SLC39A12: variants seen among roughly 807,000 people sequenced by gnomAD.
SLC39A12 encodes solute carrier family 39 member 12, also known as zinc transporter ZIP12.
SLC39A12 carries 63 observed loss-of-function variants against 71.1 expected under a neutral mutation model. That is an observed-to-expected ratio of 0.89 (90% CI 0.72 to 1.09). SLC39A12 has a LOEUF of 1.09. Among genes scored for constraint, SLC39A12 ranks in the 50% least tolerant of loss-of-function variants. The pLI is 0.00. For synonymous variants in SLC39A12, 351 were observed against 301.3 expected, an observed-to-expected ratio of 1.16 and a Z score of -1.71; for missense variants, 892 against 812.6, an observed-to-expected ratio of 1.10 and a Z score of -1.19.
chr10:18,028,139 C>A (rs1836729982), intron 12 of SLC39A12, among the ~76,000 whole-genome samples: 1 of 152,180 alleles, frequency 6.6e-6, no homozygotes, highest in African/African-American at 2.4e-5. Flanking sequence ...AGAAGCAAAT[C>A]ACTTCTAAGC....
intron 12 of SLC39A12, among the ~76,000 whole-genome samples, chr10:18,042,463 G>GAAAAAAAAAAAAAAAAAAAA (rs551298382): frequency 8.7e-6 from 1 of 115,058 alleles, no homozygotes; most frequent in Non-Finnish European, 1.7e-5. Context: ...TGCCTCAAAA[G>GAAAAAAAAAAAAAAAAAAAA]AAAAAAAAAA....
At chr10:17,960,744 T>C (rs574253244) in intron 2 of SLC39A12, among the ~76,000 whole-genome samples, 6 of 152,330 alleles carry the variant, frequency 3.9e-5, no homozygotes, top group African/African-American at 9.6e-5. Flanking sequence ...CTTGTAACTG[T>C]TGGGCACTTG....
intron 12 of SLC39A12, among the ~76,000 whole-genome samples, chr10:18,023,140 C>G (rs567247311): frequency 1.3e-5 from 2 of 152,242 alleles, no homozygotes; most frequent in Admixed American, 1.3e-4. Context: ...GCTTTTTGTT[C>G]CTTCCCCAGC....
At chr10:18,016,436 A>G (rs972419496) in intron 12 of SLC39A12, among the ~76,000 whole-genome samples, 1 of 152,144 alleles carries the variant, frequency 6.6e-6, no homozygotes, top group Non-Finnish European at 1.5e-5. Flanking sequence ...TTATCCATTT[A>G]CCTACTGCAG....
At chr10:18,024,933 T>C (rs1024132047) in intron 12 of SLC39A12, among the ~76,000 whole-genome samples, 1 of 152,214 alleles carries the variant, frequency 6.6e-6, no homozygotes, top group Admixed American at 6.5e-5. Flanking sequence ...CGACCACTTA[T>C]ATACCTTTCT....
chr10:18,018,439 G>A (rs184673249), intron 12 of SLC39A12, among the ~76,000 whole-genome samples: 81 of 152,188 alleles, frequency 5.3e-4, no homozygotes, highest in Non-Finnish European at 2.9e-4. Context: ...TGGTGAGAGG[G>A]CTCATCCTTG....
chr10:17,968,031 A>G (rs900532446), intron 4 of SLC39A12, among the ~76,000 whole-genome samples: 20 of 151,052 alleles, frequency 1.3e-4, no homozygotes, highest in Admixed American at 7.9e-4. Context: ...TCTTTCATCT[A>G]TCTTCTAGCT....
At chr10:17,979,134 A>G (rs1835190931) in intron 5 of SLC39A12, among the ~76,000 whole-genome samples, 1 of 152,244 alleles carries the variant, frequency 6.6e-6, no homozygotes, top group African/African-American at 2.4e-5. Context: ...ATAGGAAGGA[A>G]TAAAGATGTT....
At chr10:18,029,673 A>G (rs995590635) in intron 12 of SLC39A12, among the ~76,000 whole-genome samples, 22 of 152,186 alleles carry the variant, frequency 1.4e-4, no homozygotes, top group African/African-American at 4.6e-4. Context: ...CTCTTAGAGT[A>G]TAAATCAAGA....
At position 17,970,674 on chromosome 10, in the gene SLC39A12, T is replaced by TTGTG. The variant is rs61528284; in HGVS notation, c.751+5024_751+5027dup. Among the ~76,000 whole-genome samples the TTGTG allele has an allele frequency of 6.4e-3, 930 of 145,508 alleles. 9 individuals carry two copies. The highest frequency in any genetic ancestry group is 0.02 in the East Asian group (94 of 4,812). On this transcript the variant is annotated intron_variant, in intron 4 of 12. Coordinates refer to ENST00000377369, the MANE Select transcript of SLC39A12 (RefSeq NM_001145195.2). The stretch of plus-strand genomic sequence containing the variant: ...GGATTTTCTTATCAGTTCTAATAGT[T>TTGTG]TGTGTGTGTGTGTGTGTGTGTGTGT...
At chr10:18,031,335 C>G (rs928402474) in intron 12 of SLC39A12, among the ~76,000 whole-genome samples, 1 of 144,184 alleles carries the variant, frequency 6.9e-6, no homozygotes, top group Non-Finnish European at 1.5e-5. Context: ...TTAATGATTG[C>G]CATTCTAACT....
chr10:18,006,696 G>A (rs1318285139), intron 12 of SLC39A12, among the ~76,000 whole-genome samples: 2 of 152,176 alleles, frequency 1.3e-5, no homozygotes, highest in African/African-American at 4.8e-5. Context: ...CCTGGGAAAG[G>A]AAGAGGCTTT....
chr10:17,992,100 AAAAAAAAAAC>A (rs1835566986), intron 8 of SLC39A12, among the ~76,000 whole-genome samples: 1 of 151,574 alleles, frequency 6.6e-6, no homozygotes, highest in African/African-American at 2.4e-5. Flanking sequence ...AAAAAAAAAA[AAAAAAAAAAC>A]AAAAGAAAAA....
chr10:18,008,932 G>T (rs41314968), intron 12 of SLC39A12, among the ~76,000 whole-genome samples: 375 of 152,088 alleles, frequency 2.5e-3, no homozygotes, highest in Non-Finnish European at 3.7e-3. Context: ...CTTAAATCCA[G>T]CTTCTCTAAA....
intron 12 of SLC39A12, among the ~76,000 whole-genome samples, chr10:18,037,151 G>C (rs1041516330): frequency 6.6e-6 from 1 of 151,946 alleles, no homozygotes; most frequent in African/African-American, 2.4e-5. Flanking sequence ...TCCTCTTCTT[G>C]AATTACCTGT....
chr10:18,022,850 C>CT (rs1314086266), intron 12 of SLC39A12, among the ~76,000 whole-genome samples: 1 of 152,102 alleles, frequency 6.6e-6, no homozygotes, highest in East Asian at 1.9e-4. Flanking sequence ...TGTGCAAGTT[C>CT]TTTTTTTGTG....
At chr10:18,010,119 A>G (rs1836166942) in intron 12 of SLC39A12, among the ~76,000 whole-genome samples, 1 of 152,072 alleles carries the variant, frequency 6.6e-6, no homozygotes, top group Admixed American at 6.5e-5. Flanking sequence ...TGATTTACTG[A>G]GTTTGAATGA....
Position 17,965,548 on chromosome 10 carries a change from T to C in SLC39A12, c.609T>C (p.Ser203=), listed in dbSNP as rs41277352. ...TGAGCAGTGAAGGTGCTAATGAAAG[T>C]ACGCTTCCTCAGTTGGCAGCCATGA... is the stretch of plus-strand genomic sequence containing the variant. ...GIVSSEGANE[S]TLPQLAAMII... The change falls in exon 4 of 13, where the codon AGT becomes AGC. Residue 203 remains serine (S), a synonymous_variant. Transcript: ENST00000377369. The C allele has an allele frequency of 1.2e-6, 2 of 1,614,218 alleles. No homozygotes were observed. Among genetic ancestry groups the C allele is most frequent in the Non-Finnish European group, 1.7e-6 (2 of 1,180,028 alleles).
chr10:18,034,396 C>T (rs1836937329), intron 12 of SLC39A12, among the ~76,000 whole-genome samples: 1 of 152,126 alleles, frequency 6.6e-6, no homozygotes, highest in South Asian at 2.1e-4. Context: ...ATCTCTTTAC[C>T]ATTATGTAAT....
Sources: allele counts gnomAD v4.1 joint callset (sites outside exome capture counted in the v4.1 genomes callset), GRCh38; gene constraint gnomAD v4.1.1; transcripts MANE v1.5; gene names NCBI Gene and HGNC (gene_info 2026-07-23, HGNC 2026-07-21).